Variants in SLC7A5 observed in about 807,000 individuals in gnomAD.
The protein encoded by SLC7A5 is solute carrier family 7 member 5.
A neutral mutation model predicts 50.2 loss-of-function variants in SLC7A5; 23 were observed. The ratio of observed to expected loss-of-function variants is 0.46; its 90% CI spans 0.33 to 0.65. The LOEUF is 0.65. Ranked by LOEUF, SLC7A5 falls within the 30% of genes least tolerant of loss-of-function variation. SLC7A5 has a pLI of 0.02. For synonymous variants in SLC7A5, 393 were observed against 330.6 expected, an observed-to-expected ratio of 1.19 and a Z score of -2.05; for missense variants, 578 against 684.4, an observed-to-expected ratio of 0.84 and a Z score of 1.73.
chr16:87,869,447 G>C lies in SLC7A5; in HGVS notation c.-25C>G. 1 of 1,387,314 alleles carries C rather than the reference G, an allele frequency of 7.2e-7. No homozygotes were observed. Among genetic ancestry groups the C allele is most frequent in the Non-Finnish European group, 9.3e-7 (1 of 1,080,828 alleles). The allele number at this position is 1,387,314 out of a possible 1,614,324, so 85.9% of individuals were successfully genotyped here. On this transcript the variant is annotated 5_prime_UTR_variant, in exon 1 of 10. Transcript: ENST00000261622. ...TGCTCTGCGCACCGGCCGGGCCTGG[G>C]ACACCCGGGAGCCGCGGCCCAGCGA...
At chr16:87,866,389 C>T (rs141826329) in intron 1 of SLC7A5, among the ~76,000 whole-genome samples, 16 of 152,312 alleles carry the variant, frequency 1.1e-4, no homozygotes, top group African/African-American at 3.6e-4. Context: ...TCAGTGGCAC[C>T]ATGCTTGGTT....
At chr16:87,836,910 G>C (rs1192797586) in intron 7 of SLC7A5, 1 of 520,258 alleles carries the variant, frequency 1.9e-6, no homozygotes. Flanking sequence ...GGAGGAAATG[G>C]AGACCACATT....
chr16:87,834,364 G>A (rs1197719499), intron 9 of SLC7A5, 50 bp downstream of exon 9: 12 of 1,535,672 alleles, frequency 7.8e-6, no homozygotes, highest in South Asian at 2.4e-5. Flanking sequence ...AACTCCCTTC[G>A]CTGCCCAGGG....
chr16:87,836,605 A>C lies in SLC7A5; in HGVS notation c.1183T>G (p.Ser395Ala). Residue 395 changes from serine to alanine, a missense_variant, in exon 8 of 10, where the codon TCC (serine) becomes GCC (alanine). Around this residue, in one of 2 missense-constraint regions of SLC7A5, gnomAD observed 465 missense variants for 594.6 expected, o/e 0.78. Coordinates refer to ENST00000261622, the MANE Select transcript of SLC7A5 (RefSeq NM_003486.7). ...AAGAAGCTGAAGAAGTTGATGACGG[A>C]GAAGATGTCCTTGGAGAAGGCGTAG... ...LLYAFSKDIF[S>A]VINFFSFFNW... is the part of the protein sequence containing the mutation. 1 of 1,613,622 alleles carries C rather than the reference A, an allele frequency of 6.2e-7. No individual in the cohort carries two copies. Among genetic ancestry groups the C allele is most frequent in the South Asian group, 1.1e-5 (1 of 91,092 alleles).
intron 2 of SLC7A5, among the ~76,000 whole-genome samples, chr16:87,850,208 G>A (rs2055202646): frequency 6.6e-6 from 1 of 152,210 alleles, no homozygotes; most frequent in Non-Finnish European, 1.5e-5. Flanking sequence ...GGTGCTGGGT[G>A]CTGCGGGGCA....
chr16:87,844,651 T>C (rs2055127204), intron 2 of SLC7A5, among the ~76,000 whole-genome samples: 1 of 152,144 alleles, frequency 6.6e-6, no homozygotes, highest in African/African-American at 2.4e-5. Flanking sequence ...CTGCCCAGCG[T>C]GGGGAACATG....
Position 87,853,831 on chromosome 16 carries a change from GA to G in SLC7A5, c.539-1983del. ...AGGCTGCCTCTCCCCAAAAGGGAGA[GA>G]GGCACGCTGCCACCACTGAACTCCA... On this transcript the variant is annotated intron_variant, in intron 1 of 9. Coordinates refer to ENST00000261622, the MANE Select transcript of SLC7A5 (RefSeq NM_003486.7). The surrounding 1 kb of genome is among the most constrained non-coding windows in gnomAD (Gnocchi z 4.4). 1 of 152,182 alleles carries G rather than the reference GA, an allele frequency of 6.6e-6. No individual in the cohort carries two copies. Among genetic ancestry groups the G allele is most frequent in the Non-Finnish European group, 1.5e-5 (1 of 68,034 alleles). The allele number at this position is 152,182 out of a possible 1,614,324, so 9.4% of individuals were successfully genotyped here. A position where few individuals can be genotyped will look rare whatever the true frequency, so the allele number is the denominator to read the frequency against.
intron 2 of SLC7A5, among the ~76,000 whole-genome samples, chr16:87,851,370 C>A (rs1219901335): frequency 6.6e-6 from 1 of 152,218 alleles, no homozygotes; most frequent in Non-Finnish European, 1.5e-5. Context: ...CGGGTGAGGT[C>A]TGCATGGCAG....
At position 87,831,322 on chromosome 16, in the gene SLC7A5, A is replaced by C. The variant is rs958129713; in HGVS notation, c.*1648T>G. ...GGGTGAATAAAGGTCTTCATTCCTC[A>C]AGCAAGAGAGACGGACATCTGGTCC... On this transcript the variant is annotated 3_prime_UTR_variant, in exon 10 of 10. Transcript: ENST00000261622. 6 of 152,266 alleles carry C rather than the reference A, an allele frequency of 3.9e-5. No homozygotes were observed. The highest frequency in any genetic ancestry group is 8.8e-5 in the Non-Finnish European group (6 of 68,082). 9.4% of individuals were successfully genotyped at this position (152,266 alleles called of 1,614,324 possible).
chr16:87,849,192 G>A (rs538199325), intron 2 of SLC7A5, among the ~76,000 whole-genome samples: 9 of 152,104 alleles, frequency 5.9e-5, no homozygotes, highest in African/African-American at 9.7e-5. Flanking sequence ...AGGTGCCAGC[G>A]AGGGGAGGGG....
chr16:87,843,838 A>G (rs1329090806), intron 2 of SLC7A5, among the ~76,000 whole-genome samples: 2 of 152,160 alleles, frequency 1.3e-5, no homozygotes, highest in Non-Finnish European at 2.9e-5. Flanking sequence ...GAAGACCATG[A>G]CAAGGCATCA....
intron 1 of SLC7A5, among the ~76,000 whole-genome samples, chr16:87,855,475 C>T (rs1157865871): frequency 1.3e-5 from 2 of 152,108 alleles, no homozygotes; most frequent in Non-Finnish European, 2.9e-5. Context: ...ACGCACAGCA[C>T]CCCCACAACT....
chr16:87,865,482 G>A (rs967672880), intron 1 of SLC7A5, among the ~76,000 whole-genome samples: 4 of 151,770 alleles, frequency 2.6e-5, no homozygotes, highest in Admixed American at 6.6e-5. Context: ...GCAGAGGCGG[G>A]TGGATCACCT....
chr16:87,858,838 C>T (rs935077662), intron 1 of SLC7A5, among the ~76,000 whole-genome samples: 7 of 152,340 alleles, frequency 4.6e-5, no homozygotes, highest in African/African-American at 1.4e-4. Flanking sequence ...AGTGCACAGC[C>T]TGTACACCCG....
chr16:87,842,547 C>T (rs1270679215), intron 2 of SLC7A5, among the ~76,000 whole-genome samples: 1 of 152,254 alleles, frequency 6.6e-6, no homozygotes, highest in African/African-American at 2.4e-5. Context: ...GATGGGTGGA[C>T]CCAGTTCCTG....
Position 87,864,606 on chromosome 16 carries a change from C to T in SLC7A5, c.538+4279G>A, listed in dbSNP as rs1372495453. On this transcript the variant is annotated intron_variant, in intron 1 of 9. Transcript: ENST00000261622. ...TCTGCGACAGCACTCCTTGCAGACC[C>T]CTGACCCGGTGACAGATGAATAAAG... Among the ~76,000 whole-genome samples the T allele has an allele frequency of 2.6e-5, 4 of 152,234 alleles. No individual in the cohort carries two copies. The East Asian group carries it at 5.8e-4, about 22-fold the overall frequency.
rs148779119 is a variant in SLC7A5 at position 87,832,259 on chromosome 16, A to C, written c.*711T>G. 1 of 152,344 alleles carries C rather than the reference A, an allele frequency of 6.6e-6. No individual in the cohort carries two copies. Among genetic ancestry groups the C allele is most frequent in the Non-Finnish European group, 1.5e-5 (1 of 68,088 alleles). 9.4% of individuals were successfully genotyped at this position (152,344 alleles called of 1,614,324 possible). On this transcript the variant is annotated 3_prime_UTR_variant, in exon 10 of 10. Transcript: ENST00000261622. The surrounding 1 kb of genome is among the most constrained non-coding windows in gnomAD (Gnocchi z 4.6). ...GAGGCCAGGCCTGGTGAGCTAGGGG[A>C]GATGCCGGCACCCCCCAACCCTGGG...
rs566576928 is a variant in SLC7A5, at chr16:87,830,390, T to G, written c.*2580A>C. The stretch of plus-strand genomic sequence containing the variant: ...ACTTGCTTGTTGTGGTGGGTTGTGC[T>G]TGAAAACACCTGAAGCCCACAAGTG... On this transcript the variant is annotated 3_prime_UTR_variant, in exon 10 of 10. Coordinates refer to ENST00000261622, the MANE Select transcript of SLC7A5 (RefSeq NM_003486.7). 1 of 152,280 alleles carries G rather than the reference T, an allele frequency of 6.6e-6. No homozygotes were observed. Among genetic ancestry groups the G allele is most frequent in the Non-Finnish European group, 1.5e-5 (1 of 68,050 alleles). The allele number at this position is 152,280 out of a possible 1,614,324, so 9.4% of individuals were successfully genotyped here.
rs776578590 is a variant in SLC7A5 at position 87,869,400 on chromosome 16, C to T, written c.23G>A (p.Arg8Gln). ...GGCCGCCGGCGCCGCTAGCGCGCGCCGCTTCGGGCCCGCACCCGCCATGCT... is the reference window on the plus strand; with the variant it reads ...GGCCGCCGGCGCCGCTAGCGCGCGCTGCTTCGGGCCCGCACCCGCCATGCT... Reference protein sequence around the residue: MAGAGPKRRALAAPAAEE... With the variant: MAGAGPKQRALAAPAAEE... The change falls in exon 1 of 10, where the codon CGG becomes CAG. Residue 8 changes from arginine to glutamine, a missense_variant. Coordinates refer to ENST00000261622, the MANE Select transcript of SLC7A5 (RefSeq NM_003486.7). 1 of 1,516,658 alleles carries T rather than the reference C, an allele frequency of 6.6e-7. No homozygotes were observed. The highest frequency in any genetic ancestry group is 1.3e-5 in the South Asian group (1 of 78,438). The allele number at this position is 1,516,658 out of a possible 1,614,324, so 94.0% of individuals were successfully genotyped here.
Sources: allele counts gnomAD v4.1 joint callset (sites outside exome capture counted in the v4.1 genomes callset), GRCh38; gene constraint gnomAD v4.1.1; regional missense constraint gnomAD v4.1.1; non-coding constraint Gnocchi (gnomAD v3.1); transcripts MANE v1.5; gene names NCBI Gene and HGNC (gene_info 2026-07-23, HGNC 2026-07-21).